Variants in ENO2 observed in about 807,000 individuals in gnomAD.
The protein encoded by ENO2 is gamma-enolase.
Under a neutral mutation model 48.7 loss-of-function variants are expected in ENO2, and 19 were observed. The ratio of observed to expected loss-of-function variants is 0.39; its 90% CI spans 0.27 to 0.57. The LOEUF (loss-of-function observed/expected upper bound fraction) is 0.57. Among genes scored for constraint, ENO2 ranks in the 20% least tolerant of loss-of-function variants. The probability of loss-of-function intolerance (pLI) is 0.58; values close to 1 mark genes in which losing one functional copy is unlikely to be tolerated. For missense variants in ENO2, 416 were observed against 555.0 expected, an observed-to-expected ratio of 0.75 and a Z score of 2.52; for synonymous variants, 198 against 213.4, an observed-to-expected ratio of 0.93 and a Z score of 0.63.
At chr12:6,917,768 T>C (rs2071419) in intron 6 of ENO2, 54 bp downstream of exon 6, 418,875 of 1,533,570 alleles carry the variant, frequency 0.27, 63,534 homozygotes, top group African/African-American at 0.5. Flanking sequence ...GGAGGGAGCA[T>C]GCAACTCATG....
intron 7 of ENO2, among the ~76,000 whole-genome samples, chr12:6,918,613 A>G (rs1333283719): frequency 6.7e-6 from 1 of 149,692 alleles, no homozygotes; most frequent in African/African-American, 2.4e-5. Context: ...TGCTGGGATT[A>G]CAAGCGTGAG....
Position 6,916,667 on chromosome 12 carries a change from C to T in ENO2, c.182-4C>T. 1 of 1,614,184 alleles carries T rather than the reference C, an allele frequency of 6.2e-7. No homozygotes were observed. Among genetic ancestry groups the T allele is most frequent in the Non-Finnish European group, 8.5e-7 (1 of 1,180,022 alleles). ...GACCCAGTCCAGCCTCTTCCTTTCCCCAGGTGTCCTGAAGGCAGTGGACCA... is the reference window on the plus strand; with the variant it reads ...GACCCAGTCCAGCCTCTTCCTTTCCTCAGGTGTCCTGAAGGCAGTGGACCA... On this transcript the variant is annotated splice_region_variant and splice_polypyrimidine_tract_variant and intron_variant, in intron 3 of 11. Coordinates refer to ENST00000229277, the MANE Select transcript of ENO2 (RefSeq NM_001975.3). This position sits in a 1 kb window ranked among gnomAD's most constrained non-coding sequence, Gnocchi z 4.5.
chr12:6,916,271 G>T lies in ENO2; in HGVS notation c.86-146G>T. 1.4e-6 allele frequency: 1 copy of T among 704,246 alleles called. No homozygotes were observed. The highest frequency in any genetic ancestry group is 2.3e-6 in the Non-Finnish European group (1 of 427,984). 43.6% of individuals were successfully genotyped at this position (704,246 alleles called of 1,614,324 possible). A position where few individuals can be genotyped will look rare whatever the true frequency, so the allele number is the denominator to read the frequency against. On this transcript the variant is annotated intron_variant, in intron 2 of 11. Coordinates refer to ENST00000229277, the MANE Select transcript of ENO2 (RefSeq NM_001975.3). The surrounding 1 kb of genome is among the most constrained non-coding windows in gnomAD (Gnocchi z 4.5). ...TTCTTGTGCATCTGCCTCAGTGTGTGTGTGGGGTGGGGGTGGGGGGATGTT... is the reference window on the plus strand; with the variant it reads ...TTCTTGTGCATCTGCCTCAGTGTGTTTGTGGGGTGGGGGTGGGGGGATGTT...
At chr12:6,918,470 C>CCT (rs1945311736) in intron 7 of ENO2, among the ~76,000 whole-genome samples, 1 of 148,100 alleles carries the variant, frequency 6.8e-6, no homozygotes, top group African/African-American at 2.6e-5. Flanking sequence ...CCTGCCTCAG[C>CCT]CTCCCGAGTA....
rs1555142221 is a variant in ENO2, at chr12:6,922,400, G to A, written c.1233G>A (p.Met411Ile). ...GTCTGGCTAAATACAACCAGCTCAT[G>A]AGGTGAGGGTCCCTGGGGTGGGAGC... ...SERLAKYNQLMRIEEELGDEA... is the reference protein window; with the variant it reads ...SERLAKYNQLIRIEEELGDEA... The change falls in exon 11 of 12, where the codon ATG becomes ATA. Residue 411 changes from methionine to isoleucine, a missense_variant and splice_region_variant. Coordinates refer to ENST00000229277, the MANE Select transcript of ENO2 (RefSeq NM_001975.3). This position sits in a 1 kb window ranked among gnomAD's most constrained non-coding sequence, Gnocchi z 5.3. The A allele has an allele frequency of 1.2e-6, 2 of 1,614,192 alleles. No homozygotes were observed. The highest frequency in any genetic ancestry group is 1.7e-5 in the Admixed American group (1 of 60,032).
chr12:6,922,791 T>A lies in ENO2; in HGVS notation c.1296T>A (p.Ser432Arg), dbSNP rs1226648929. ...RFAGHNFRNP[S>R]VL is the part of the protein sequence containing the mutation. ...CCGGACATAACTTCCGTAATCCCAG[T>A]GTGCTGTGATTCCTCTGCTTGCCTG... The change falls in exon 12 of 12, where the codon AGT (serine) becomes AGA (arginine). Residue 432 changes from serine to arginine, a missense_variant. Transcript: ENST00000229277. This position sits in a 1 kb window ranked among gnomAD's most constrained non-coding sequence, Gnocchi z 5.3. 6.2e-7 allele frequency: 1 copy of A among 1,613,940 alleles called. No individual in the cohort carries two copies. Among genetic ancestry groups the A allele is most frequent in the Non-Finnish European group, 8.5e-7 (1 of 1,179,978 alleles).
At position 6,917,605 on chromosome 12, in the gene ENO2, T is replaced by C; in HGVS notation, c.335T>C (p.Leu112Pro). The change falls in exon 6 of 12, where the codon CTG (leucine) becomes CCG (proline). Residue 112 changes from leucine to proline, a missense_variant. Physicochemically the swap from Leu to Pro is moderately conservative, Grantham distance 98 (BLOSUM62 -3). Coordinates refer to ENST00000229277, the MANE Select transcript of ENO2 (RefSeq NM_001975.3). The stretch of plus-strand genomic sequence containing the variant: ...GCCAAGTTTGGGGCCAATGCCATCC[T>C]GGGTGTGTCTCTGGCCGTGTGTAAG... ...NKSKFGANAI[L>P]GVSLAVCKAG... is the part of the protein sequence containing the mutation. 1.9e-6 allele frequency: 3 copies of C among 1,613,544 alleles called. No homozygotes were observed. Among genetic ancestry groups the C allele is most frequent in the Non-Finnish European group, 2.5e-6 (3 of 1,179,694 alleles).
chr12:6,923,056 G>C lies in ENO2; in HGVS notation c.*256G>C. On this transcript the variant is annotated 3_prime_UTR_variant, in exon 12 of 12. Transcript: ENST00000229277. ...TCTTTCTCTCTTCCCTCAGAAACTA[G>C]AAATGTGAATGAGGATTATTATAAA... 2 of 470,490 alleles carry C rather than the reference G, an allele frequency of 4.3e-6. No homozygotes were observed. The highest frequency in any genetic ancestry group is 7.8e-6 in the Non-Finnish European group (2 of 256,416). 29.1% of individuals were successfully genotyped at this position (470,490 alleles called of 1,614,324 possible).
Position 6,922,277 on chromosome 12 carries a change from G to A in ENO2, c.1177-67G>A. 2 of 1,612,886 alleles carry A rather than the reference G, an allele frequency of 1.2e-6. No homozygotes were observed. Among genetic ancestry groups the A allele is most frequent in the Non-Finnish European group, 1.7e-6 (2 of 1,178,964 alleles). ...TGAGGGTGTCAGGGGAGTTTCAGGA[G>A]AGCAGAAGTTTCCTTTCAGGGGTGA... is the stretch of plus-strand genomic sequence containing the variant. On this transcript the variant is annotated intron_variant, in intron 10 of 11. Transcript: ENST00000229277. The surrounding 1 kb of genome is among the most constrained non-coding windows in gnomAD (Gnocchi z 5.3).
rs112705489 is a variant in ENO2 at position 6,917,188 on chromosome 12, G to A, written c.310+81G>A. The A allele has an allele frequency of 4.8e-4, 744 of 1,539,316 alleles. 3 individuals are homozygous for A. The African/African-American group carries it at 6.2e-3, about 13-fold the overall frequency. On this transcript the variant is annotated intron_variant, in intron 5 of 11. Coordinates refer to ENST00000229277, the MANE Select transcript of ENO2 (RefSeq NM_001975.3). The stretch of plus-strand genomic sequence containing the variant: ...GATAGAGAGCTGAAGGGCCAGTGCT[G>A]TAGTGGCTTCCTCAGGAATGACTGT...
At position 6,922,804 on chromosome 12, in the gene ENO2, C is replaced by T. The variant is rs782714326; in HGVS notation, c.*4C>T. 4.3e-6 allele frequency: 7 copies of T among 1,613,880 alleles called. No homozygotes were observed. The highest frequency in any genetic ancestry group is 2.7e-5 in the African/African-American group (2 of 74,868). ...CCGTAATCCCAGTGTGCTGTGATTCCTCTGCTTGCCTGGAGACGTGGAACC... is the reference window on the plus strand; with the variant it reads ...CCGTAATCCCAGTGTGCTGTGATTCTTCTGCTTGCCTGGAGACGTGGAACC... On this transcript the variant is annotated 3_prime_UTR_variant, in exon 12 of 12. Coordinates refer to ENST00000229277, the MANE Select transcript of ENO2 (RefSeq NM_001975.3). This position sits in a 1 kb window ranked among gnomAD's most constrained non-coding sequence, Gnocchi z 5.3.
At position 6,918,181 on chromosome 12, in the gene ENO2, C is replaced by T. The variant is rs781885979; in HGVS notation, c.667+19C>T. ...AGTGAAGGTGAGGCCAGGAGCCCCA[C>T]TCCCAGCTCTAAGTCTTACCCTATT... is the stretch of plus-strand genomic sequence containing the variant. On this transcript the variant is annotated intron_variant, in intron 7 of 11. Coordinates refer to ENST00000229277, the MANE Select transcript of ENO2 (RefSeq NM_001975.3). The T allele has an allele frequency of 6.2e-7, 1 of 1,612,250 alleles. No homozygotes were observed. The highest frequency in any genetic ancestry group is 1.3e-5 in the African/African-American group (1 of 74,878).
Position 6,916,605 on chromosome 12 carries a change from C to T in ENO2, c.182-66C>T. ...CCAGTCCTCCTCTAGCATGGCTTCC[C>T]CTCCTCCCATTGATCCCTTCCGGCC... On this transcript the variant is annotated intron_variant, in intron 3 of 11. Transcript: ENST00000229277. The surrounding 1 kb of genome is among the most constrained non-coding windows in gnomAD (Gnocchi z 4.5). 6.2e-7 allele frequency: 1 copy of T among 1,611,518 alleles called. No homozygotes were observed.
chr12:6,919,545 C>T (rs781964516), intron 7 of ENO2, 21 bp from the exon 8 acceptor site: 6 of 1,613,644 alleles, frequency 3.7e-6, no homozygotes, highest in South Asian at 3.3e-5. Context: ...GTACTATAAT[C>T]TCACTGTATT....
rs1555141672 is a variant in ENO2 at position 6,917,051 on chromosome 12, T to C, written c.254T>C (p.Val85Ala). The change falls in exon 5 of 12, where the codon GTG becomes GCG. Residue 85 changes from valine (V) to alanine (A), a missense_variant. Val to Ala is a moderately conservative substitution (Grantham distance 64). Transcript: ENST00000229277. ...PALISSGLSV[V>A]EQEKLDNLML... ...CTCTGCCCTCAGGGTCTCTCTGTGG[T>C]GGAGCAAGAGAAACTGGACAACCTG... The C allele has an allele frequency of 1.2e-6, 2 of 1,613,846 alleles. No homozygotes were observed.
At chr12:6,917,530 A>G in intron 5 of ENO2, 51 bp from the exon 6 acceptor site, 1 of 1,579,330 alleles carries the variant, frequency 6.3e-7, no homozygotes, top group Non-Finnish European at 8.6e-7. Flanking sequence ...GGCAGGAGCT[A>G]GAAAGGAGAA....
At chr12:6,915,102 T>G (rs1228309543) in intron 1 of ENO2, 1 of 152,410 alleles carries the variant, frequency 6.6e-6, no homozygotes, top group Non-Finnish European at 1.5e-5. Context: ...CGTTCGCGCT[T>G]CCTCCCCTCT....
At chr12:6,917,401 C>A in intron 5 of ENO2, 180 bp from the exon 6 acceptor site, 1 of 873,014 alleles carries the variant, frequency 1.1e-6, no homozygotes, top group Non-Finnish European at 1.7e-6. Flanking sequence ...ATCTCCTCCT[C>A]CCCACCCATT....
rs1437317981 is a variant in ENO2, at chr12:6,916,108, T to C, written c.85+191T>C. 1.3e-5 allele frequency among the ~76,000 whole-genome samples: 2 copies of C among 152,170 alleles called. No homozygotes were observed. The highest frequency in any genetic ancestry group is 2.9e-5 in the Non-Finnish European group (2 of 68,010). ...GGGTAGGTGGGTCTGTGTTCGAGTTTAGCGTGTGAGGCATGTCCTGCCTCC... is the reference window on the plus strand; with the variant it reads ...GGGTAGGTGGGTCTGTGTTCGAGTTCAGCGTGTGAGGCATGTCCTGCCTCC... On this transcript the variant is annotated intron_variant, in intron 2 of 11. Transcript: ENST00000229277. The surrounding 1 kb of genome is among the most constrained non-coding windows in gnomAD (Gnocchi z 4.5).
Sources: gnomAD v4.1 joint callset for allele counts (sites outside exome capture counted in the v4.1 genomes callset) on GRCh38, gnomAD v4.1.1 for gene constraint, Gnocchi (gnomAD v3.1) non-coding constraint, MANE v1.5 for transcripts, NCBI Gene and HGNC (gene_info 2026-07-23, HGNC 2026-07-21) for gene names.